Variants in RBFOX1 observed in about 807,000 individuals in gnomAD.
RBFOX1 encodes RNA binding protein fox-1 homolog 1.
In RBFOX1, 8 loss-of-function variants were observed where a neutral mutation model predicts 57.7. The observed-to-expected ratio is 0.14, with a 90% CI of 0.08 to 0.25. RBFOX1 has a LOEUF of 0.25. Ranked by LOEUF, RBFOX1 falls within the 10% of genes least tolerant of loss-of-function variation. The pLI is 1.00. For synonymous variants in RBFOX1, 326 were observed against 222.4 expected, an observed-to-expected ratio of 1.47 and a Z score of -4.15; for missense variants, 611 against 548.5, an observed-to-expected ratio of 1.11 and a Z score of -1.14.
chr16:5,400,257 G>A (rs1047249725), intron 1 of RBFOX1, among the ~76,000 whole-genome samples: 1 of 151,254 alleles, frequency 6.6e-6, no homozygotes, highest in African/African-American at 2.4e-5. Context: ...ACACCCGGCT[G>A]ATTTTTGTAT....
chr16:5,291,847 G>T (rs1194185509), intron 1 of RBFOX1, among the ~76,000 whole-genome samples: 1 of 152,162 alleles, frequency 6.6e-6, no homozygotes, highest in Non-Finnish European at 1.5e-5. Context: ...TGTGGGTTGG[G>T]TTGGCTGGAG....
chr16:5,903,049 C>A (rs987226837), intron 4 of RBFOX1, among the ~76,000 whole-genome samples: 4 of 152,058 alleles, frequency 2.6e-5, no homozygotes, highest in Admixed American at 2.6e-4. Context: ...CTAGCCTTTT[C>A]TTGGACTTGC....
At chr16:7,147,769 G>A (rs1261107762) in intron 4 of RBFOX1, among the ~76,000 whole-genome samples, 1 of 152,168 alleles carries the variant, frequency 6.6e-6, no homozygotes, top group Non-Finnish European at 1.5e-5. Flanking sequence ...GAATAGAGCT[G>A]CAGTGAACAT....
intron 2 of RBFOX1, among the ~76,000 whole-genome samples, chr16:5,472,026 T>C (rs1433729677): frequency 6.6e-6 from 1 of 152,152 alleles, no homozygotes; most frequent in Non-Finnish European, 1.5e-5. Flanking sequence ...ATTTATTCCT[T>C]TGATCTCCTT....
intron 1 of RBFOX1, among the ~76,000 whole-genome samples, chr16:5,450,507 C>G (rs1020867897): frequency 6.6e-6 from 1 of 152,194 alleles, no homozygotes; most frequent in African/African-American, 2.4e-5. Flanking sequence ...TGGGGCGGGC[C>G]TCTCTGGCAT....
chr16:7,629,068 G>T (rs912805023), intron 10 of RBFOX1, among the ~76,000 whole-genome samples: 1 of 152,200 alleles, frequency 6.6e-6, no homozygotes, highest in Non-Finnish European at 1.5e-5. Context: ...TTTTGCGGGT[G>T]GGGGTGGCTG....
At chr16:7,628,740 G>C (rs375209704) in intron 10 of RBFOX1, among the ~76,000 whole-genome samples, 19 of 152,188 alleles carry the variant, frequency 1.2e-4, no homozygotes, top group African/African-American at 3.9e-4. Flanking sequence ...AGTCTCCTGA[G>C]TAGCTGGAAT....
chr16:6,412,207 T>C (rs1307482511), intron 2 of RBFOX1, among the ~76,000 whole-genome samples: 3 of 151,514 alleles, frequency 2.0e-5, no homozygotes, highest in Non-Finnish European at 4.4e-5. Flanking sequence ...CTGGGTAATT[T>C]CCATATTATA....
At chr16:7,195,796 G>C (rs895858564) in intron 4 of RBFOX1, among the ~76,000 whole-genome samples, 4 of 152,092 alleles carry the variant, frequency 2.6e-5, no homozygotes, top group Admixed American at 6.6e-5. Flanking sequence ...CAGGTAATCT[G>C]CCTGCCTCTG....
intron 11 of RBFOX1, among the ~76,000 whole-genome samples, chr16:7,640,662 T>G (rs1053005541): frequency 7.2e-5 from 11 of 152,226 alleles, no homozygotes; most frequent in African/African-American, 2.7e-4. Context: ...GGGAATTCCC[T>G]GGAAACCCCA....
At chr16:7,416,370 T>A (rs984467993) in intron 4 of RBFOX1, among the ~76,000 whole-genome samples, 2 of 152,180 alleles carry the variant, frequency 1.3e-5, no homozygotes, top group Non-Finnish European at 2.9e-5. Flanking sequence ...GAATAGAGGT[T>A]TTTATTCCCT....
At chr16:6,774,816 A>T (rs975496627) in intron 3 of RBFOX1, among the ~76,000 whole-genome samples, 34 of 152,062 alleles carry the variant, frequency 2.2e-4, no homozygotes, top group African/African-American at 7.7e-4. Flanking sequence ...TATAGTAGCC[A>T]TGAGCCGTAT....
chr16:6,931,613 A>G (rs776833298), intron 3 of RBFOX1, among the ~76,000 whole-genome samples: 5 of 152,070 alleles, frequency 3.3e-5, no homozygotes, highest in African/African-American at 9.7e-5. Flanking sequence ...CACAACCACC[A>G]CAATGCTTTG....
intron 3 of RBFOX1, among the ~76,000 whole-genome samples, chr16:5,818,956 C>G (rs546699575): frequency 2.0e-5 from 3 of 152,176 alleles, no homozygotes; most frequent in African/African-American, 7.2e-5. Flanking sequence ...ATGGATGGGT[C>G]TTAATTACCT....
intron 3 of RBFOX1, among the ~76,000 whole-genome samples, chr16:6,860,388 C>G (rs1395805332): frequency 1.8e-4 from 28 of 152,164 alleles, no homozygotes; most frequent in Admixed American, 1.8e-3. Flanking sequence ...ATTTCAAACT[C>G]TTCAAATCTG....
intron 4 of RBFOX1, among the ~76,000 whole-genome samples, chr16:5,992,177 A>C (rs1209124865): frequency 6.6e-6 from 1 of 152,212 alleles, no homozygotes; most frequent in Non-Finnish European, 1.5e-5. Flanking sequence ...AAAAAAGAGA[A>C]AAGAAGTAAA....
At position 7,171,667 on chromosome 16, in the gene RBFOX1, C is replaced by T. The variant is rs552474871; in HGVS notation, c.27+119569C>T. ...ATTTACTTCACCATGCCAGAAGGGCCATTGCAAATGGATTTAGTTATAGGG... is the reference window on the plus strand; with the variant it reads ...ATTTACTTCACCATGCCAGAAGGGCTATTGCAAATGGATTTAGTTATAGGG... On this transcript the variant is annotated intron_variant, in intron 4 of 15. Coordinates refer to ENST00000550418, the MANE Select transcript of RBFOX1 (RefSeq NM_018723.4). Among the ~76,000 whole-genome samples, 3 of 152,286 alleles carry T rather than the reference C, an allele frequency of 2.0e-5. No homozygotes were observed. The South Asian group carries it at 6.2e-4, about 32-fold the overall frequency.
intron 3 of RBFOX1, among the ~76,000 whole-genome samples, chr16:6,799,691 T>C (rs1262599678): frequency 6.6e-6 from 1 of 152,146 alleles, no homozygotes; most frequent in Non-Finnish European, 1.5e-5. Flanking sequence ...GCTAGTTTGC[T>C]GAGTCTTCCA....
chr16:6,883,624 G>A (rs923649900), intron 3 of RBFOX1, among the ~76,000 whole-genome samples: 1 of 152,144 alleles, frequency 6.6e-6, no homozygotes, highest in African/African-American at 2.4e-5. Context: ...TCTGTGTTCA[G>A]AACTTTTCAA....
Sources: gnomAD v4.1 joint callset for allele counts (sites outside exome capture counted in the v4.1 genomes callset) on GRCh38, gnomAD v4.1.1 for gene constraint, MANE v1.5 for transcripts, NCBI Gene and HGNC (gene_info 2026-07-23, HGNC 2026-07-21) for gene names.